Variants in GFUS observed in about 807,000 individuals in gnomAD.
GFUS encodes 3-5 epimerase/4-reductase.
In GFUS, 42 loss-of-function variants were observed where a neutral mutation model predicts 41.5. That is an observed-to-expected ratio of 1.01 (90% CI 0.79 to 1.31). The LOEUF (loss-of-function observed/expected upper bound fraction) is 1.31. Among genes scored for constraint, GFUS ranks in the 50% most tolerant of loss-of-function variants. The pLI, the probability that GFUS is intolerant of heterozygous loss-of-function variation, is 0.00. For missense variants in GFUS, 437 were observed against 428.7 expected, an observed-to-expected ratio of 1.02 and a Z score of -0.17; for synonymous variants, 188 against 173.4, an observed-to-expected ratio of 1.08 and a Z score of -0.66.
chr8:143,614,513 C>G, intron 5 of GFUS, 60 bp from the exon 6 acceptor site: 2 of 1,572,064 alleles, frequency 1.3e-6, no homozygotes, highest in South Asian at 1.2e-5. Flanking sequence ...CCCAGGCTGC[C>G]GCTGGCCTCT....
At chr8:143,614,944 G>T in intron 3 of GFUS, 29 bp from the exon 4 acceptor site, 1 of 1,576,252 alleles carries the variant, frequency 6.3e-7, no homozygotes, top group Non-Finnish European at 8.6e-7. Flanking sequence ...GACAGTTCAG[G>T]CTCCCCAGGC....
chr8:143,612,864 C>T lies in GFUS; in HGVS notation c.*46G>A. ...GGGTTGACGGGTGGTGGCCGCTGGGCTCTGCCAGCCGATGGTCCGCTGGCA... is the reference window on the plus strand; with the variant it reads ...GGGTTGACGGGTGGTGGCCGCTGGGTTCTGCCAGCCGATGGTCCGCTGGCA... On this transcript the variant is annotated 3_prime_UTR_variant, in exon 11 of 11. Transcript: ENST00000425753. The T allele has an allele frequency of 1.3e-6, 2 of 1,576,774 alleles. No individual in the cohort carries two copies.
At chr8:143,614,128 G>C (rs1402857806) in intron 7 of GFUS, 36 bp downstream of exon 7, 1 of 1,610,310 alleles carries the variant, frequency 6.2e-7, no homozygotes. Flanking sequence ...CAATAGGGCA[G>C]GTTCTCTGGG....
Position 143,616,594 on chromosome 8 carries a change from A to G in GFUS, c.119T>C (p.Phe40Ser), listed in dbSNP as rs774100197. Residue 40 changes from phenylalanine to serine, a missense_variant, in exon 2 of 11, where the codon TTT becomes TCT. By Grantham distance (155) the Phe-to-Ser change is radical (BLOSUM62 -2). Coordinates refer to ENST00000425753, the MANE Select transcript of GFUS (RefSeq NM_003313.4). ...GAGATCGGCGTCTTTAGAGGAGACAAACACCCAGTCCTCTCCAGGAAGTCC... is the reference window on the plus strand; with the variant it reads ...GAGATCGGCGTCTTTAGAGGAGACAGACACCCAGTCCTCTCCAGGAAGTCC... Reference protein sequence around the residue: ...GAGLPGEDWVFVSSKDADLTD... With the variant: ...GAGLPGEDWVSVSSKDADLTD... The G allele has an allele frequency of 7.4e-6, 12 of 1,613,654 alleles. No individual in the cohort carries two copies. Among genetic ancestry groups the G allele is most frequent in the African/African-American group, 1.3e-5 (1 of 74,880 alleles).
chr8:143,613,153 G>A (rs907111318), intron 10 of GFUS, 43 bp downstream of exon 10: 7 of 1,584,958 alleles, frequency 4.4e-6, no homozygotes, highest in Non-Finnish European at 6.1e-6. Flanking sequence ...GAGGGGCTGG[G>A]GCAGGCCTCC....
chr8:143,613,476 C>T lies in GFUS; in HGVS notation c.810+48G>A, dbSNP rs963607858. On this transcript the variant is annotated intron_variant, in intron 9 of 10. Transcript: ENST00000425753. ...CCCTACACCGGGTGGCCACTGAGCCCGCCCAAGGGGCCCCCGCCCAACCCC... is the reference window on the plus strand; with the variant it reads ...CCCTACACCGGGTGGCCACTGAGCCTGCCCAAGGGGCCCCCGCCCAACCCC... 14 of 1,595,684 alleles carry T rather than the reference C, an allele frequency of 8.8e-6. No homozygotes were observed. In the Admixed American group the frequency reaches 1.0e-4, roughly 12 times the overall value.
At position 143,616,135 on chromosome 8, in the gene GFUS, G is replaced by T. The variant is rs143026820; in HGVS notation, c.232C>A (p.Arg78=). 1.2e-6 allele frequency: 2 copies of T among 1,608,360 alleles called. No individual in the cohort carries two copies. The highest frequency in any genetic ancestry group is 1.7e-6 in the Non-Finnish European group (2 of 1,176,584). ...AAGTCCAAATTGTATTTGATATTCC[G>T]GAACAGGCCCCCCACCATTGCAGCA... ...HLAAMVGGLF[R]NIKYNLDFWR... is the part of the protein sequence containing the mutation. The change falls in exon 3 of 11, where the codon CGG becomes AGG. Residue 78 remains arginine, a synonymous_variant. Transcript: ENST00000425753.
In GFUS at chr8:143,614,464, A is replaced by G. The variant is rs774373751; in HGVS notation, c.465-11T>C. ...TGCTGGAAGTAGGCCCTGCGGAGGC[A>G]CAGCGTCTCCTGCCCTCGTCCTGGG... On this transcript the variant is annotated splice_polypyrimidine_tract_variant and intron_variant, in intron 5 of 10. Coordinates refer to ENST00000425753, the MANE Select transcript of GFUS (RefSeq NM_003313.4). 3.7e-6 allele frequency: 6 copies of G among 1,606,746 alleles called. No individual in the cohort carries two copies. The highest frequency in any genetic ancestry group is 4.3e-6 in the Non-Finnish European group (5 of 1,175,078).
At chr8:143,613,674 C>A in intron 8 of GFUS, 71 bp from the exon 9 acceptor site, 1 of 1,580,854 alleles carries the variant, frequency 6.3e-7, no homozygotes, top group South Asian at 1.1e-5. Context: ...CTGCTCCCAC[C>A]CCTCAGCCAG....
rs148674156 is a variant in GFUS, at chr8:143,616,127, G to C, written c.240C>G (p.Ile80Met). ...AAMVGGLFRN[I>M]KYNLDFWRKN... is the part of the protein sequence containing the mutation. ...TTACCCAGAAGTCCAAATTGTATTT[G>C]ATATTCCGGAACAGGCCCCCCACCA... The change falls in exon 3 of 11, where the codon ATC (isoleucine) becomes ATG (methionine). Residue 80 changes from isoleucine (I) to methionine (M), a missense_variant. By Grantham distance (10) the Ile-to-Met change is conservative. Transcript: ENST00000425753. The C allele has an allele frequency of 3.2e-5, 52 of 1,605,208 alleles. No homozygotes were observed. In the African/African-American group the frequency reaches 5.9e-4, roughly 18 times the overall value.
At chr8:143,616,391 G>T in intron 2 of GFUS, 171 bp from the exon 3 acceptor site, 1 of 1,202,464 alleles carries the variant, frequency 8.3e-7, no homozygotes, top group Non-Finnish European at 1.2e-6. Context: ...ATGGGAGGGT[G>T]TTTGTTTTTC....
In GFUS at chr8:143,612,798, T is replaced by C. The variant is rs539477748; in HGVS notation, c.*112A>G. ...GCTTGGGGCTGCAGAGCGGATGGAATGCAGGCCCAGGTTGCTGGGTGGTGC... is the reference window on the plus strand; with the variant it reads ...GCTTGGGGCTGCAGAGCGGATGGAACGCAGGCCCAGGTTGCTGGGTGGTGC... On this transcript the variant is annotated 3_prime_UTR_variant, in exon 11 of 11. Transcript: ENST00000425753. 10 of 1,314,318 alleles carry C rather than the reference T, an allele frequency of 7.6e-6. No homozygotes were observed. The highest frequency in any genetic ancestry group is 1.1e-5 in the Non-Finnish European group (10 of 951,714). 81.4% of individuals were successfully genotyped at this position (1,314,318 alleles called of 1,614,324 possible).
chr8:143,616,846 AAAGACCCAGCTGGACCG>A (rs1829740803), intron 1 of GFUS, 123 bp from the exon 2 acceptor site: 6 of 1,219,840 alleles, frequency 4.9e-6, no homozygotes, highest in Non-Finnish European at 7.0e-6. Flanking sequence ...TGGCAACCAG[AAAGACCCAGCTGGACCG>A]AGGCACTCCC....
Position 143,612,672 on chromosome 8 carries a change from G to T in GFUS, c.*238C>A. Reference sequence around the variant, plus strand: ...AGGGAGTGGGATGCAGGATCAGAGTGGACACGCGCAGGGGGCTGGTGTGGG... The same window carrying T: ...AGGGAGTGGGATGCAGGATCAGAGTTGACACGCGCAGGGGGCTGGTGTGGG... On this transcript the variant is annotated 3_prime_UTR_variant, in exon 11 of 11. Transcript: ENST00000425753. 1 of 600,292 alleles carries T rather than the reference G, an allele frequency of 1.7e-6. No individual in the cohort carries two copies. The highest frequency in any genetic ancestry group is 3.0e-6 in the Non-Finnish European group (1 of 337,096). 37.2% of individuals were successfully genotyped at this position (600,292 alleles called of 1,614,324 possible). A position where few individuals can be genotyped will look rare whatever the true frequency, so the allele number is the denominator to read the frequency against.
At position 143,612,749 on chromosome 8, in the gene GFUS, G is replaced by A. The variant is rs1829605883; in HGVS notation, c.*161C>T. The A allele has an allele frequency of 3.3e-6, 3 of 911,122 alleles. No homozygotes were observed. In the African/African-American group the frequency reaches 5.0e-5, roughly 15 times the overall value. 56.4% of individuals were successfully genotyped at this position (911,122 alleles called of 1,614,324 possible). ...CCCTGGTTTCCCTGAGGACCAACGT[G>A]AATGGGGGCCCCACTGGAAAGATGC... On this transcript the variant is annotated 3_prime_UTR_variant, in exon 11 of 11. Transcript: ENST00000425753.
At chr8:143,615,099 A>C (rs908522393) in intron 3 of GFUS, among the ~76,000 whole-genome samples, 184 bp from the exon 4 acceptor site, 2 of 152,024 alleles carry the variant, frequency 1.3e-5, no homozygotes, top group Non-Finnish European at 2.9e-5. Flanking sequence ...CTCCAGCCCC[A>C]CCAAGGCTGG....
Position 143,616,162 on chromosome 8 carries a change from G to C in GFUS, c.205C>G (p.Leu69Val). ...AACAGGCCCCCCACCATTGCAGCAAGATGGATGACGTGTGTGGGTTGGACC... is the reference window on the plus strand; with the variant it reads ...AACAGGCCCCCCACCATTGCAGCAACATGGATGACGTGTGTGGGTTGGACC... ...EKVQPTHVIH[L>V]AAMVGGLFRN... Residue 69 changes from leucine to valine, a missense_variant, in exon 3 of 11, where the codon CTT (leucine) becomes GTT (valine). Coordinates refer to ENST00000425753, the MANE Select transcript of GFUS (RefSeq NM_003313.4). 6.2e-7 allele frequency: 1 copy of C among 1,613,512 alleles called. No individual in the cohort carries two copies. The highest frequency in any genetic ancestry group is 1.7e-5 in the Admixed American group (1 of 59,956).
At chr8:143,614,099 C>G in intron 7 of GFUS, 65 bp downstream of exon 7, 1 of 1,597,420 alleles carries the variant, frequency 6.3e-7, no homozygotes, top group Non-Finnish European at 8.5e-7. Context: ...GACAGCCCAG[C>G]AGGGGCCAGC....
chr8:143,613,356 C>A, intron 9 of GFUS, 61 bp from the exon 10 acceptor site: 1 of 1,553,416 alleles, frequency 6.4e-7, no homozygotes, highest in South Asian at 1.1e-5. Context: ...CCGCAGCTTG[C>A]CCTTGAACCT....
Sources: allele counts gnomAD v4.1 joint callset (sites outside exome capture counted in the v4.1 genomes callset), GRCh38; gene constraint gnomAD v4.1.1; transcripts MANE v1.5; gene names NCBI Gene and HGNC (gene_info 2026-07-23, HGNC 2026-07-21).